Variants in INTS6 observed in about 807,000 individuals in gnomAD.
INTS6 encodes the protein DEAD box protein.
A neutral mutation model predicts 104.9 loss-of-function variants in INTS6; 16 were observed. The observed-to-expected ratio is 0.15, with a 90% CI of 0.10 to 0.23. INTS6 has a LOEUF of 0.23. Among genes scored for constraint, INTS6 ranks in the 10% least tolerant of loss-of-function variants. INTS6 has a pLI of 1.00. For missense variants in INTS6, 584 were observed against 1,062.8 expected (o/e 0.55, Z 6.26); for synonymous variants, 324 against 358.7 (o/e 0.90, Z 1.09).
At chr13:51,358,961 G>A (rs1955521099), downstream of INTS6, among the ~76,000 whole-genome samples, 1 of 152,058 alleles carries the variant, frequency 6.6e-6, no homozygotes, top group South Asian at 2.1e-4. Context: ...TATTATAATT[G>A]TCCTGTAGAG....
At chr13:51,417,602 A>G (rs2138057083) in intron 4 of INTS6, among the ~76,000 whole-genome samples, 1 of 151,842 alleles carries the variant, frequency 6.6e-6, no homozygotes, top group African/African-American at 2.4e-5. Flanking sequence ...TTACAAGCGC[A>G]TGCCACCACA....
rs528600855 is a variant in INTS6, at chr13:51,411,460, G to A, written c.430-15977C>T. ...CCCAGCTACCCGGGAGGCTGAGGCA[G>A]GAGAATCATTTGAACCTAGGAGGCA... On this transcript the variant is annotated intron_variant, in intron 4 of 17. Coordinates refer to ENST00000311234, the MANE Select transcript of INTS6 (RefSeq NM_012141.3). Among the ~76,000 whole-genome samples the A allele has an allele frequency of 2.0e-5, 3 of 151,580 alleles. No homozygotes were observed. The East Asian group carries it at 5.8e-4, about 29-fold the overall frequency.
the INTS6 span, among the ~76,000 whole-genome samples, chr13:51,346,292 TGA>T: frequency 6.6e-6 from 1 of 152,150 alleles, no homozygotes; most frequent in Admixed American, 6.5e-5. Flanking sequence ...AAAGGCTCAG[TGA>T]GAGATTCAGC....
the INTS6 span, chr13:51,348,658 T>C: frequency 2.8e-5 from 8 of 289,278 alleles, no homozygotes; most frequent in Non-Finnish European, 5.6e-6. Context: ...CAAGACAAGA[T>C]ATTCTGCCTT....
intron 17 of INTS6, among the ~76,000 whole-genome samples, 171 bp from the exon 18 acceptor site, chr13:51,366,016 T>G (rs1955680154): frequency 6.6e-6 from 1 of 151,934 alleles, no homozygotes. Flanking sequence ...TAGCAAATTA[T>G]TATCCTAGTA....
chr13:51,398,344 G>C (rs558151472), intron 4 of INTS6, among the ~76,000 whole-genome samples: 259 of 152,106 alleles, frequency 1.7e-3, no homozygotes, highest in African/African-American at 5.9e-3. Flanking sequence ...AAAATATAAA[G>C]TTAGTCACTA....
At chr13:51,349,363 G>A (rs944838865), downstream of INTS6, among the ~76,000 whole-genome samples, 1 of 152,180 alleles carries the variant, frequency 6.6e-6, no homozygotes, top group Non-Finnish European at 1.5e-5. Flanking sequence ...GGCAAAAGGT[G>A]CACTTAACTC....
chr13:51,365,878 C>G, intron 17 of INTS6, 33 bp from the exon 18 acceptor site: 1 of 1,292,882 alleles, frequency 7.7e-7, no homozygotes, highest in East Asian at 2.4e-5. Context: ...CTCTCAATTA[C>G]TTTTTAATGA....
chr13:51,350,928 C>T (rs984266757), downstream of INTS6, among the ~76,000 whole-genome samples: 1 of 152,240 alleles, frequency 6.6e-6, no homozygotes, highest in Admixed American at 6.5e-5. Flanking sequence ...TTGTGTCTGG[C>T]TTCTTTGCAT....
the INTS6 span, among the ~76,000 whole-genome samples, chr13:51,345,854 T>G: frequency 2.0e-5 from 3 of 152,200 alleles, no homozygotes; most frequent in Non-Finnish European, 2.9e-5. Context: ...GATTGTCCTC[T>G]AAGAAAAAGG....
chr13:51,411,915 C>T (rs1201336170), intron 4 of INTS6, among the ~76,000 whole-genome samples: 3 of 152,198 alleles, frequency 2.0e-5, no homozygotes, highest in Non-Finnish European at 2.9e-5. Context: ...CCCAAATGTT[C>T]CCTCTGGTGA....
At position 51,452,666 on chromosome 13, in the gene INTS6, T is replaced by C; in HGVS notation, c.-141A>G. On this transcript the variant is annotated 5_prime_UTR_variant, in exon 1 of 18. Coordinates refer to ENST00000311234, the MANE Select transcript of INTS6 (RefSeq NM_012141.3). This position sits in a 1 kb window ranked among gnomAD's most constrained non-coding sequence, Gnocchi z 4.2. ...AGGAAAACACTGTCTGGGTCTTTCCTCCGGCTGCGGGGAGTTTCTCCCCCG... is the reference window on the plus strand; with the variant it reads ...AGGAAAACACTGTCTGGGTCTTTCCCCCGGCTGCGGGGAGTTTCTCCCCCG... 7.0e-7 allele frequency: 1 copy of C among 1,430,318 alleles called. No individual in the cohort carries two copies. 88.6% of individuals were successfully genotyped at this position (1,430,318 alleles called of 1,614,324 possible). A position where few individuals can be genotyped will look rare whatever the true frequency, so the allele number is the denominator to read the frequency against.
At chr13:51,391,504 C>T (rs758579753) in intron 5 of INTS6, among the ~76,000 whole-genome samples, 26 of 152,122 alleles carry the variant, frequency 1.7e-4, no homozygotes, top group Non-Finnish European at 3.4e-4. Flanking sequence ...GAGCCTATAT[C>T]CTCCGTAATG....
At chr13:51,434,561 A>G (rs1448816120) in intron 3 of INTS6, among the ~76,000 whole-genome samples, 1 of 152,156 alleles carries the variant, frequency 6.6e-6, no homozygotes, top group Non-Finnish European at 1.5e-5. Context: ...CAGTTACTAC[A>G]AAAATTAGAA....
intron 3 of INTS6, chr13:51,447,239 A>G (rs973652930): frequency 6.6e-6 from 1 of 152,112 alleles, no homozygotes; most frequent in African/African-American, 2.4e-5. Flanking sequence ...GAAACCAAGC[A>G]CCCAAATGGA....
the INTS6 span, chr13:51,344,377 G>C: frequency 6.2e-7 from 1 of 1,613,266 alleles, no homozygotes. Flanking sequence ...CCCCTGCTTT[G>C]TGGAGCACGT....
intron 13 of INTS6, 95 bp from the exon 14 acceptor site, chr13:51,374,891 G>T: frequency 8.0e-7 from 1 of 1,248,156 alleles, no homozygotes; most frequent in East Asian, 2.4e-5. Context: ...TGTTATTCTA[G>T]ACAGTCTTCT....
chr13:51,354,998 TTGAG>T (rs1955457798), intron 3 of INTS6: 1 of 961,954 alleles, frequency 1.0e-6, no homozygotes, highest in Non-Finnish European at 1.6e-6. Context: ...TGAAAGTATA[TTGAG>T]TGAGAATTTT....
intron 3 of INTS6, among the ~76,000 whole-genome samples, chr13:51,430,714 A>C (rs1240460982): frequency 6.6e-6 from 1 of 152,180 alleles, no homozygotes; most frequent in Non-Finnish European, 1.5e-5. Context: ...CAATTCTAAT[A>C]ATTTGATTTT....
Sources: allele counts gnomAD v4.1 joint callset (sites outside exome capture counted in the v4.1 genomes callset), GRCh38; gene constraint gnomAD v4.1.1; non-coding constraint Gnocchi (gnomAD v3.1); transcripts MANE v1.5; gene names NCBI Gene and HGNC (gene_info 2026-07-23, HGNC 2026-07-21).